Variants in LIPK observed in about 807,000 individuals in gnomAD.
The protein encoded by LIPK is lipase member K.
Under a neutral mutation model 48.6 loss-of-function variants are expected in LIPK, and 32 were observed. The ratio of observed to expected loss-of-function variants is 0.66; its 90% CI spans 0.50 to 0.88. The LOEUF is 0.88. Among genes scored for constraint, LIPK ranks in the 40% least tolerant of loss-of-function variants. LIPK has a pLI of 0.00. For missense variants in LIPK, 507 were observed against 478.5 expected, an observed-to-expected ratio of 1.06 and a Z score of -0.56; for synonymous variants, 164 against 157.4, an observed-to-expected ratio of 1.04 and a Z score of -0.32.
chr10:88,749,377 A>C lies in LIPK; in HGVS notation c.961-3140A>C, dbSNP rs1842825227. ...ACTTCAAACTATACTACAAGGCTACAGTAACCAAAACAGCATGGTATTGGT... is the reference window on the plus strand; with the variant it reads ...ACTTCAAACTATACTACAAGGCTACCGTAACCAAAACAGCATGGTATTGGT... On this transcript the variant is annotated intron_variant, in intron 9 of 9. Transcript: ENST00000404190. Among the ~76,000 whole-genome samples, 3 of 152,258 alleles carry C rather than the reference A, an allele frequency of 2.0e-5. No individual in the cohort carries two copies. In the South Asian group the frequency reaches 6.2e-4, roughly 31 times the overall value.
intron 4 of LIPK, among the ~76,000 whole-genome samples, chr10:88,731,922 G>T (rs1318159832): frequency 1.3e-5 from 2 of 152,168 alleles, no homozygotes; most frequent in Non-Finnish European, 2.9e-5. Context: ...AGAATTAAGT[G>T]AATACGACTA....
At chr10:88,751,818 A>G (rs994005723) in intron 9 of LIPK, among the ~76,000 whole-genome samples, 4 of 152,146 alleles carry the variant, frequency 2.6e-5, no homozygotes, top group Non-Finnish European at 5.9e-5. Flanking sequence ...TATATTCTCA[A>G]TGGCTATGGC....
chr10:88,743,790 A>G (rs1842723187), intron 9 of LIPK, among the ~76,000 whole-genome samples: 1 of 152,080 alleles, frequency 6.6e-6, no homozygotes, highest in Non-Finnish European at 1.5e-5. Flanking sequence ...GAGCACCAGG[A>G]CTCACTTCAG....
At position 88,752,765 on chromosome 10, in the gene LIPK, T is replaced by A; in HGVS notation, c.*9T>A. ...AATATTTACAAAATTAAATGCACTT[T>A]ACTTTCTCTAAGCAAGTGGATTTTC... On this transcript the variant is annotated 3_prime_UTR_variant, in exon 10 of 10. Coordinates refer to ENST00000404190, the MANE Select transcript of LIPK (RefSeq NM_001080518.2). 1 of 1,527,782 alleles carries A rather than the reference T, an allele frequency of 6.5e-7. No homozygotes were observed. The highest frequency in any genetic ancestry group is 8.9e-7 in the Non-Finnish European group (1 of 1,126,990). 94.6% of individuals were successfully genotyped at this position (1,527,782 alleles called of 1,614,324 possible).
intron 2 of LIPK, 143 bp downstream of exon 2, chr10:88,724,791 GCTAA>G (rs1484005775): frequency 8.1e-6 from 5 of 620,458 alleles, no homozygotes; most frequent in Admixed American, 3.3e-5. Context: ...TCTTGATATG[GCTAA>G]CTAATCCAAG....
intron 1 of LIPK, among the ~76,000 whole-genome samples, chr10:88,721,788 G>T (rs969878323): frequency 3.9e-5 from 6 of 152,144 alleles, no homozygotes; most frequent in Non-Finnish European, 5.9e-5. Flanking sequence ...CAGCCACTCA[G>T]CAGAAATGAG....
chr10:88,715,658 G>A (rs1348825988), intron 1 of LIPK, among the ~76,000 whole-genome samples: 1 of 151,616 alleles, frequency 6.6e-6, no homozygotes, highest in East Asian at 1.9e-4. Flanking sequence ...GTACAGTTTT[G>A]TTTAAATCTG....
chr10:88,730,902 T>G, intron 3 of LIPK, 81 bp from the exon 4 acceptor site: 3 of 1,286,496 alleles, frequency 2.3e-6, no homozygotes, highest in Non-Finnish European at 3.2e-6. Flanking sequence ...TCTTTTATAC[T>G]ACAGAAATTC....
intron 1 of LIPK, among the ~76,000 whole-genome samples, chr10:88,717,286 G>A (rs1842137432): frequency 6.6e-6 from 1 of 152,102 alleles, no homozygotes; most frequent in African/African-American, 2.4e-5. Flanking sequence ...GGTTCGTCTT[G>A]GTCCTTAACT....
At chr10:88,740,967 A>G (rs979802849) in intron 8 of LIPK, among the ~76,000 whole-genome samples, 1 of 152,192 alleles carries the variant, frequency 6.6e-6, no homozygotes, top group Non-Finnish European at 1.5e-5. Context: ...AAGTTCCTCT[A>G]CGAAGAAAGA....
intron 1 of LIPK, among the ~76,000 whole-genome samples, chr10:88,717,266 G>A (rs1842136989): frequency 6.6e-6 from 1 of 152,126 alleles, no homozygotes; most frequent in Non-Finnish European, 1.5e-5. Context: ...TCAAATGATT[G>A]TAAAGGAAAG....
At chr10:88,747,567 TC>T (rs2134790542) in intron 9 of LIPK, among the ~76,000 whole-genome samples, 1 of 151,990 alleles carries the variant, frequency 6.6e-6, no homozygotes, top group East Asian at 1.9e-4. Flanking sequence ...AAATTCCACA[TC>T]CCTTCATGTT....
intron 8 of LIPK, among the ~76,000 whole-genome samples, chr10:88,741,195 A>G (rs1266945926): frequency 1.3e-5 from 2 of 152,108 alleles, no homozygotes; most frequent in African/African-American, 4.8e-5. Context: ...ATGTCATAGC[A>G]TATTCTTTTA....
chr10:88,748,563 G>A (rs947084623), intron 9 of LIPK, among the ~76,000 whole-genome samples: 2 of 151,318 alleles, frequency 1.3e-5, no homozygotes, highest in African/African-American at 4.9e-5. Flanking sequence ...GTTGCAGTGG[G>A]CTGAGATTGT....
rs74952998 is a variant in LIPK, at chr10:88,748,616, C to T, written c.961-3901C>T. On this transcript the variant is annotated intron_variant, in intron 9 of 9. Transcript: ENST00000404190. ...TAAGTGACAGAGCAAGACTCCGTCT[C>T]AAAAAAAAAAAAAAAAGAAAACAAT... Among the ~76,000 whole-genome samples, 222 of 106,584 alleles carry T rather than the reference C, an allele frequency of 2.1e-3. 1 individual carries two copies. The highest frequency in any genetic ancestry group is 7.4e-3 in the African/African-American group (217 of 29,380). 69.9% of individuals were successfully genotyped at this position (106,584 alleles called of 152,430 possible).
chr10:88,751,718 T>A (rs1471355117), intron 9 of LIPK, among the ~76,000 whole-genome samples: 1 of 152,182 alleles, frequency 6.6e-6, no homozygotes, highest in Non-Finnish European at 1.5e-5. Flanking sequence ...AATACGGTTG[T>A]CTCTTGTGAG....
At chr10:88,718,950 A>C (rs887097367) in intron 1 of LIPK, among the ~76,000 whole-genome samples, 2 of 152,192 alleles carry the variant, frequency 1.3e-5, no homozygotes, top group Non-Finnish European at 2.9e-5. Flanking sequence ...TCATAAGTCA[A>C]TTGAAATAAT....
chr10:88,731,890 A>C (rs1361502800), intron 4 of LIPK, among the ~76,000 whole-genome samples: 1 of 152,186 alleles, frequency 6.6e-6, no homozygotes, highest in Non-Finnish European at 1.5e-5. Flanking sequence ...CTCTTTTCAG[A>C]GGAGCTTGGT....
intron 6 of LIPK, among the ~76,000 whole-genome samples, chr10:88,733,137 A>G (rs1842502081): frequency 6.6e-6 from 1 of 152,228 alleles, no homozygotes; most frequent in Non-Finnish European, 1.5e-5. Flanking sequence ...TTAGTTTTAT[A>G]GAATGTACCC....
Sources: allele counts gnomAD v4.1 joint callset (sites outside exome capture counted in the v4.1 genomes callset), GRCh38; gene constraint gnomAD v4.1.1; transcripts MANE v1.5; gene names NCBI Gene and HGNC (gene_info 2026-07-23, HGNC 2026-07-21).